SMO: variants seen among roughly 807,000 people sequenced by gnomAD.
The protein encoded by SMO is smoothened, frizzled class receptor, also known as protein smoothened.
SMO carries 40 observed loss-of-function variants against 81.6 expected under a neutral mutation model. The observed-to-expected ratio is 0.49, with a 90% CI of 0.38 to 0.64. The LOEUF (loss-of-function observed/expected upper bound fraction) is 0.64, where lower values mean the gene tolerates loss of function less well. SMO is among the 30% of genes least tolerant of loss of function. The pLI, the probability that SMO is intolerant of heterozygous loss-of-function variation, is 0.00. For synonymous variants in SMO, 434 were observed against 432.1 expected (o/e 1.00, Z -0.05); for missense variants, 916 against 1,061.1 (o/e 0.86, Z 1.90).
chr7:129,202,011 C>G (rs1026015670), intron 1 of SMO, among the ~76,000 whole-genome samples: 1 of 152,082 alleles, frequency 6.6e-6, no homozygotes, highest in Non-Finnish European at 1.5e-5. Flanking sequence ...CAAGTGGGAA[C>G]TGTTGCCTGA....
chr7:129,202,972 G>T (rs1170025042), intron 1 of SMO, among the ~76,000 whole-genome samples: 1 of 152,166 alleles, frequency 6.6e-6, no homozygotes, highest in Non-Finnish European at 1.5e-5. Flanking sequence ...TTTCCACAAG[G>T]TGAATACACT....
At position 129,205,293 on chromosome 7, in the gene SMO, G is replaced by A. The variant is rs1247135717; in HGVS notation, c.628G>A (p.Val210Met). 3.7e-6 allele frequency: 6 copies of A among 1,614,238 alleles called. No homozygotes were observed. The highest frequency in any genetic ancestry group is 4.2e-6 in the Non-Finnish European group (5 of 1,180,022). Residue 210 changes from valine to methionine, a missense_variant, in exon 3 of 12, where the codon GTG (valine) becomes ATG (methionine). By Grantham distance (21) the Val-to-Met change is conservative. Around this residue, in one of 4 missense-constraint regions of SMO, gnomAD observed 436 missense variants for 570.9 expected, o/e 0.76. Coordinates refer to ENST00000249373, the MANE Select transcript of SMO (RefSeq NM_005631.5). ...CAACCCCAAGAGCTGGTACGAGGACGTGGAGGGCTGCGGCATCCAGTGCCA... is the reference window on the plus strand; with the variant it reads ...CAACCCCAAGAGCTGGTACGAGGACATGGAGGGCTGCGGCATCCAGTGCCA... ...TDNPKSWYEDVEGCGIQCQNP... is the reference protein window; with the variant it reads ...TDNPKSWYEDMEGCGIQCQNP...
At chr7:129,204,072 C>A (rs955386767) in intron 2 of SMO, among the ~76,000 whole-genome samples, 1 of 152,122 alleles carries the variant, frequency 6.6e-6, no homozygotes, top group African/African-American at 2.4e-5. Flanking sequence ...TAAGCTCATG[C>A]CTGTAATCCC....
In SMO at chr7:129,211,231, C is replaced by T. The variant is rs41274167; in HGVS notation, c.1801+118C>T. Reference sequence around the variant, plus strand: ...GGAAGACCGACTGTGAGGAGCAAGGCGCTCCCTCCATCGCTCACACACCCA... The same window carrying T: ...GGAAGACCGACTGTGAGGAGCAAGGTGCTCCCTCCATCGCTCACACACCCA... On this transcript the variant is annotated intron_variant, in intron 10 of 11. Coordinates refer to ENST00000249373, the MANE Select transcript of SMO (RefSeq NM_005631.5). This position sits in a 1 kb window ranked among gnomAD's most constrained non-coding sequence, Gnocchi z 4.6. The T allele has an allele frequency of 7.7e-5, 86 of 1,109,826 alleles. No homozygotes were observed. The Middle Eastern group carries it at 1.2e-3, about 15-fold the overall frequency. 68.7% of individuals were successfully genotyped at this position (1,109,826 alleles called of 1,614,324 possible).
intron 2 of SMO, among the ~76,000 whole-genome samples, chr7:129,204,138 G>A (rs955009148): frequency 2.3e-4 from 35 of 152,068 alleles, no homozygotes; most frequent in African/African-American, 8.2e-4. Context: ...TTCCAGACCA[G>A]CCTGGCCAAC....
rs1793833718 is a variant in SMO, at chr7:129,209,657, A to G, written c.1466+260A>G. ...GCTGGTGCATGTGTGACTGTTAAGC[A>G]GCCAGTTCAGCTTCGTCTTCTCTGA... is the stretch of plus-strand genomic sequence containing the variant. On this transcript the variant is annotated intron_variant, in intron 8 of 11. Coordinates refer to ENST00000249373, the MANE Select transcript of SMO (RefSeq NM_005631.5). The G allele has an allele frequency of 6.8e-6, 3 of 441,904 alleles. No individual in the cohort carries two copies. The East Asian group carries it at 1.1e-4, about 17-fold the overall frequency. The allele number at this position is 441,904 out of a possible 1,614,324, so 27.4% of individuals were successfully genotyped here. A position where few individuals can be genotyped will look rare whatever the true frequency, so the allele number is the denominator to read the frequency against.
chr7:129,202,678 G>A (rs1793689618), intron 1 of SMO, among the ~76,000 whole-genome samples: 1 of 152,084 alleles, frequency 6.6e-6, no homozygotes, highest in Non-Finnish European at 1.5e-5. Flanking sequence ...GCTTTGGAGT[G>A]CCTGGCTCCT....
rs991108338 is a variant in SMO, at chr7:129,188,809, G to A, written c.-343G>A. 2.7e-5 allele frequency: 6 copies of A among 225,252 alleles called. No homozygotes were observed. Among genetic ancestry groups the A allele is most frequent in the African/African-American group, 1.1e-4 (5 of 44,434 alleles). 14.0% of individuals were successfully genotyped at this position (225,252 alleles called of 1,614,324 possible). On this transcript the variant is annotated 5_prime_UTR_variant, in exon 1 of 12. Coordinates refer to ENST00000249373, the MANE Select transcript of SMO (RefSeq NM_005631.5). This position sits in a 1 kb window ranked among gnomAD's most constrained non-coding sequence, Gnocchi z 4.9. ...GCGTCTGGCCTCCCTCGCGGGGCGG[G>A]GAGGTGGCTTTAATGGTGGGAGAGG... is the stretch of plus-strand genomic sequence containing the variant.
In SMO at chr7:129,208,832, C is replaced by T. The variant is rs536563919; in HGVS notation, c.1338C>T (p.Asn446=). ...GTGAGAAGGCTGCCAGCAAGATCAA[C>T]GAGACCATGCTGCGCCTGGGTGAGT... ...LLSEKAASKI[N]ETMLRLGIFG... Residue 446 remains asparagine, a synonymous_variant, in exon 7 of 12, where the codon AAC becomes AAT. Coordinates refer to ENST00000249373, the MANE Select transcript of SMO (RefSeq NM_005631.5). The surrounding 1 kb of genome is among the most constrained non-coding windows in gnomAD (Gnocchi z 5.2). 16 of 1,613,668 alleles carry T rather than the reference C, an allele frequency of 9.9e-6. No individual in the cohort carries two copies. The highest frequency in any genetic ancestry group is 5.3e-5 in the African/African-American group (4 of 75,032).
chr7:129,189,192 T>G lies in SMO; in HGVS notation c.41T>G (p.Leu14Arg), dbSNP rs1793442965. The G allele has an allele frequency of 8.6e-7, 1 of 1,164,238 alleles. No individual in the cohort carries two copies. Among genetic ancestry groups the G allele is most frequent in the Non-Finnish European group, 1.1e-6 (1 of 930,470 alleles). The allele number at this position is 1,164,238 out of a possible 1,614,324, so 72.1% of individuals were successfully genotyped here. ...CCAGCGCGGGGGCCGGAGCTCCCGC[T>G]CCTGGGGCTGCTGCTGCTGCTGCTG... Reference protein sequence around the residue: ...ARPARGPELPLLGLLLLLLLG... With the variant: ...ARPARGPELPRLGLLLLLLLG... Residue 14 changes from leucine to arginine, a missense_variant, in exon 1 of 12, where the codon CTC becomes CGC. By Grantham distance (102) the Leu-to-Arg change is moderately radical (BLOSUM62 -2). Coordinates refer to ENST00000249373, the MANE Select transcript of SMO (RefSeq NM_005631.5). The surrounding 1 kb of genome is among the most constrained non-coding windows in gnomAD (Gnocchi z 4.7).
At position 129,211,246 on chromosome 7, in the gene SMO, T is replaced by C. The variant is rs1563151646; in HGVS notation, c.1801+133T>C. Reference sequence around the variant, plus strand: ...AGGAGCAAGGCGCTCCCTCCATCGCTCACACACCCATTCTTCCCCCGGCCC... The same window carrying C: ...AGGAGCAAGGCGCTCCCTCCATCGCCCACACACCCATTCTTCCCCCGGCCC... On this transcript the variant is annotated intron_variant, in intron 10 of 11. Transcript: ENST00000249373. The surrounding 1 kb of genome is among the most constrained non-coding windows in gnomAD (Gnocchi z 4.6). The C allele has an allele frequency of 3.1e-6, 3 of 966,942 alleles. No homozygotes were observed. The highest frequency in any genetic ancestry group is 4.8e-6 in the Non-Finnish European group (3 of 628,668). 59.9% of individuals were successfully genotyped at this position (966,942 alleles called of 1,614,324 possible).
In SMO at chr7:129,205,734, G is replaced by A. The variant is rs948837758; in HGVS notation, c.872G>A (p.Arg291Gln). The A allele has an allele frequency of 4.3e-6, 7 of 1,610,962 alleles. No individual in the cohort carries two copies. The highest frequency in any genetic ancestry group is 1.6e-4 in the Middle Eastern group (1 of 6,084). Residue 291 changes from arginine to glutamine, a missense_variant, in exon 4 of 12, where the codon CGA (arginine) becomes CAA (glutamine). Physicochemically the swap from Arg to Gln is conservative, Grantham distance 43. Around this residue, in one of 4 missense-constraint regions of SMO, gnomAD observed 436 missense variants for 570.9 expected, o/e 0.76. Transcript: ENST00000249373. ...WLAQFMDGAR[R>Q]EIVCRADGTM... ...GCCCAGTTCATGGATGGTGCCCGCC[G>A]AGAGATCGTCTGCCGTGCAGATGGC...
rs774872260 is a variant in SMO, at chr7:129,211,835, G to A, written c.1936+65G>A. The A allele has an allele frequency of 6.3e-7, 1 of 1,585,816 alleles. No homozygotes were observed. The highest frequency in any genetic ancestry group is 8.7e-7 in the Non-Finnish European group (1 of 1,155,276). On this transcript the variant is annotated intron_variant, in intron 11 of 11. Transcript: ENST00000249373. This position sits in a 1 kb window ranked among gnomAD's most constrained non-coding sequence, Gnocchi z 4.6. Reference sequence around the variant, plus strand: ...ACAGAGGCTGGGGGCTTCTGGGACTGGAGTACAGGGGCTGTCGGAGGAGGA... The same window carrying A: ...ACAGAGGCTGGGGGCTTCTGGGACTAGAGTACAGGGGCTGTCGGAGGAGGA...
chr7:129,211,379 C>G lies in SMO; in HGVS notation c.1802-257C>G, dbSNP rs761768394. On this transcript the variant is annotated intron_variant, in intron 10 of 11. Transcript: ENST00000249373. This position sits in a 1 kb window ranked among gnomAD's most constrained non-coding sequence, Gnocchi z 4.6. Reference sequence around the variant, plus strand: ...CTCCCTCTCCCTTCTCATAAATTCTCCAGTTGCTCTCCCTGGGCAAGAGTA... The same window carrying G: ...CTCCCTCTCCCTTCTCATAAATTCTGCAGTTGCTCTCCCTGGGCAAGAGTA... 5.6e-6 allele frequency: 4 copies of G among 708,874 alleles called. No individual in the cohort carries two copies. The South Asian group carries it at 6.0e-5, about 11-fold the overall frequency. The allele number at this position is 708,874 out of a possible 1,614,324, so 43.9% of individuals were successfully genotyped here. A position where few individuals can be genotyped will look rare whatever the true frequency, so the allele number is the denominator to read the frequency against.
chr7:129,193,808 ATATATATATG>A (rs1396304012), intron 1 of SMO, among the ~76,000 whole-genome samples: 11 of 113,738 alleles, frequency 9.7e-5, no homozygotes, highest in African/African-American at 3.1e-4. Flanking sequence ...ATATATATAT[ATATATATATG>A]TATAGGCTGG....
At position 129,211,362 on chromosome 7, in the gene SMO, C is replaced by G; in HGVS notation, c.1801+249C>G. Reference sequence around the variant, plus strand: ...GTTCCAAGAAGACTCCCCTCCCTCTCCCTTCTCATAAATTCTCCAGTTGCT... The same window carrying G: ...GTTCCAAGAAGACTCCCCTCCCTCTGCCTTCTCATAAATTCTCCAGTTGCT... On this transcript the variant is annotated intron_variant, in intron 10 of 11. Coordinates refer to ENST00000249373, the MANE Select transcript of SMO (RefSeq NM_005631.5). The surrounding 1 kb of genome is among the most constrained non-coding windows in gnomAD (Gnocchi z 4.6). 1.4e-6 allele frequency: 1 copy of G among 708,476 alleles called. No individual in the cohort carries two copies. The highest frequency in any genetic ancestry group is 2.6e-6 in the Non-Finnish European group (1 of 391,616). 43.9% of individuals were successfully genotyped at this position (708,476 alleles called of 1,614,324 possible).
chr7:129,209,166 G>T, intron 7 of SMO, 123 bp from the exon 8 acceptor site: 1 of 654,332 alleles, frequency 1.5e-6, no homozygotes, highest in Non-Finnish European at 2.8e-6. Context: ...ACTGAGCCCA[G>T]CATGAGTTCA....
rs763467217 is a variant in SMO, at chr7:129,210,566, C to G, written c.1652+18C>G. On this transcript the variant is annotated intron_variant, in intron 9 of 11. Coordinates refer to ENST00000249373, the MANE Select transcript of SMO (RefSeq NM_005631.5). This position sits in a 1 kb window ranked among gnomAD's most constrained non-coding sequence, Gnocchi z 4.7. The stretch of plus-strand genomic sequence containing the variant: ...TGGTGCAGGTGGGCATGGCAGCCAG[C>G]CCCTCCTGCCCTGCCCGCCTCACCC... 6.3e-7 allele frequency: 1 copy of G among 1,592,764 alleles called. No homozygotes were observed. Among genetic ancestry groups the G allele is most frequent in the Non-Finnish European group, 8.6e-7 (1 of 1,161,248 alleles).
At chr7:129,197,001 A>G (rs958415310) in intron 1 of SMO, among the ~76,000 whole-genome samples, 2 of 129,242 alleles carry the variant, frequency 1.5e-5, no homozygotes, top group East Asian at 2.3e-4. Flanking sequence ...TGGGCAATAC[A>G]GTGAGACACC....
Sources: gnomAD v4.1 joint callset for allele counts (sites outside exome capture counted in the v4.1 genomes callset) on GRCh38, gnomAD v4.1.1 for gene constraint, gnomAD v4.1.1 regional missense constraint, Gnocchi (gnomAD v3.1) non-coding constraint, MANE v1.5 for transcripts, NCBI Gene and HGNC (gene_info 2026-07-23, HGNC 2026-07-21) for gene names.